Variants in CYTH1 observed in about 807,000 individuals in gnomAD.
CYTH1 encodes cytohesin-1.
CYTH1 carries 18 observed loss-of-function variants against 61.8 expected under a neutral mutation model. The observed-to-expected ratio is 0.29, with a 90% confidence interval of 0.20 to 0.43. The LOEUF (loss-of-function observed/expected upper bound fraction) is 0.43, where lower values mean the gene tolerates loss of function less well. CYTH1 is among the 20% of genes least tolerant of loss of function. The pLI is 1.00. For missense variants in CYTH1, 336 were observed against 510.5 expected (o/e 0.66, Z 3.29); for synonymous variants, 174 against 184.3 (o/e 0.94, Z 0.45).
chr17:78,733,571 C>A (rs748263569), intron 1 of CYTH1, among the ~76,000 whole-genome samples: 6 of 152,354 alleles, frequency 3.9e-5, no homozygotes, highest in Admixed American at 1.3e-4. Flanking sequence ...CAGTCCCTGG[C>A]CTGCACAGAA....
At chr17:78,747,339 T>TAAATCCTC (rs1468327582) in intron 1 of CYTH1, among the ~76,000 whole-genome samples, 4 of 152,042 alleles carry the variant, frequency 2.6e-5, no homozygotes, top group Non-Finnish European at 5.9e-5. Context: ...CAGCATTCTC[T>TAAATCCTC]GGTATTTAGG....
intron 1 of CYTH1, among the ~76,000 whole-genome samples, chr17:78,733,620 A>G (rs1252669562): frequency 6.6e-6 from 1 of 152,270 alleles, no homozygotes; most frequent in African/African-American, 2.4e-5. Flanking sequence ...AGCCCGTAGC[A>G]GCAGCACACC....
At chr17:78,704,356 C>A (rs574725553) in intron 3 of CYTH1, among the ~76,000 whole-genome samples, 10 of 152,278 alleles carry the variant, frequency 6.6e-5, no homozygotes, top group Non-Finnish European at 1.5e-4. Flanking sequence ...AATTTAAGAA[C>A]CACTGCCATC....
At chr17:78,678,127 A>G (rs1049124381) in intron 13 of CYTH1, 15 of 152,334 alleles carry the variant, frequency 9.8e-5, no homozygotes, top group African/African-American at 3.1e-4. Context: ...AGAGGAGTCC[A>G]GCAAGCCCAC....
chr17:78,752,331 A>G (rs2093383532), intron 1 of CYTH1, among the ~76,000 whole-genome samples: 1 of 152,202 alleles, frequency 6.6e-6, no homozygotes, highest in African/African-American at 2.4e-5. Context: ...TTTCATAGAA[A>G]TTACCTTTAA....
At chr17:78,757,991 A>G (rs2093408553) in intron 1 of CYTH1, among the ~76,000 whole-genome samples, 1 of 152,162 alleles carries the variant, frequency 6.6e-6, no homozygotes, top group African/African-American at 2.4e-5. Context: ...ATCATCATAT[A>G]CTGGTATGAG....
chr17:78,719,600 G>C (rs2093211066), intron 1 of CYTH1, among the ~76,000 whole-genome samples: 1 of 152,204 alleles, frequency 6.6e-6, no homozygotes, highest in Non-Finnish European at 1.5e-5. Context: ...CTTTAAGGCA[G>C]GGATAAGAAT....
intron 3 of CYTH1, among the ~76,000 whole-genome samples, chr17:78,704,426 T>C (rs1001870654): frequency 1.3e-5 from 2 of 152,170 alleles, no homozygotes; most frequent in Admixed American, 6.5e-5. Flanking sequence ...AATAAAATCA[T>C]AAAATGTTAT....
At chr17:78,747,009 T>A (rs1056379602) in intron 1 of CYTH1, among the ~76,000 whole-genome samples, 8 of 151,900 alleles carry the variant, frequency 5.3e-5, no homozygotes, top group African/African-American at 1.9e-4. Flanking sequence ...TACCATGTGT[T>A]CATTCTAAAT....
chr17:78,755,628 G>A (rs1313679959), intron 1 of CYTH1, among the ~76,000 whole-genome samples: 3 of 152,110 alleles, frequency 2.0e-5, no homozygotes, highest in African/African-American at 4.8e-5. Context: ...CTGGGGCCGG[G>A]GTAGAGGGAG....
chr17:78,709,675 T>G lies in CYTH1; in HGVS notation c.80A>C (p.Lys27Thr). Residue 27 changes from lysine to threonine, a missense_variant, in exon 2 of 14, where the codon AAA (lysine) becomes ACA (threonine). Around this residue, in one of 4 missense-constraint regions of CYTH1, gnomAD observed 112 missense variants for 127.1 expected, o/e 0.88. Transcript: ENST00000446868. ...CTGAATGTCAGCCAGCAGCTCCTGTTTTCTCCGTCGGATGTTCTCCAGTTC... is the reference window on the plus strand; with the variant it reads ...CTGAATGTCAGCCAGCAGCTCCTGTGTTCTCCGTCGGATGTTCTCCAGTTC... Reference protein sequence around the residue: ...RQELENIRRRKQELLADIQRL... With the variant: ...RQELENIRRRTQELLADIQRL... 6.2e-7 allele frequency: 1 copy of G among 1,614,224 alleles called. No homozygotes were observed. The highest frequency in any genetic ancestry group is 8.5e-7 in the Non-Finnish European group (1 of 1,180,036).
intron 1 of CYTH1, among the ~76,000 whole-genome samples, chr17:78,780,997 G>A (rs1277210989): frequency 6.6e-6 from 1 of 151,840 alleles, no homozygotes; most frequent in Admixed American, 6.6e-5. Flanking sequence ...GCGACAGAGT[G>A]AGACTCCGTT....
intron 1 of CYTH1, among the ~76,000 whole-genome samples, chr17:78,753,722 C>A (rs755583153): frequency 2.4e-4 from 36 of 152,048 alleles, no homozygotes; most frequent in Non-Finnish European, 4.3e-4. Context: ...ATTATGAAAA[C>A]ACCAACTTCT....
At chr17:78,765,284 G>C (rs372875704) in intron 1 of CYTH1, among the ~76,000 whole-genome samples, 1 of 151,988 alleles carries the variant, frequency 6.6e-6, no homozygotes, top group South Asian at 2.1e-4. Context: ...CCAGAAAACG[G>C]GGCTCCTTCT....
At chr17:78,698,211 A>ACACG in intron 9 of CYTH1, 58 bp downstream of exon 9, 1 of 1,420,618 alleles carries the variant, frequency 7.0e-7, no homozygotes, top group Non-Finnish European at 9.9e-7. Flanking sequence ...ACACGCACAC[A>ACACG]CACCGCCTTT....
At chr17:78,749,421 T>C (rs1434217985) in intron 1 of CYTH1, among the ~76,000 whole-genome samples, 3 of 152,182 alleles carry the variant, frequency 2.0e-5, no homozygotes, top group East Asian at 3.9e-4. Context: ...GATTGTGCCA[T>C]TGCACCCCAG....
At position 78,701,748 on chromosome 17, in the gene CYTH1, A is replaced by G; in HGVS notation, c.360T>C (p.Asp120=). 3 of 1,614,190 alleles carry G rather than the reference A, an allele frequency of 1.9e-6. No homozygotes were observed. The highest frequency in any genetic ancestry group is 2.5e-6 in the Non-Finnish European group (3 of 1,180,010). ...TAIGDYLGER[D]EFNIQVLHAF... ...CATGAAGAACCTGGATATTAAACTCATCTCTATCGAGAAAAGACAAAAAAT... is the reference window on the plus strand; with the variant it reads ...CATGAAGAACCTGGATATTAAACTCGTCTCTATCGAGAAAAGACAAAAAAT... The change falls in exon 6 of 14, where the codon GAT becomes GAC. Residue 120 remains aspartate (D), a synonymous_variant. Coordinates refer to ENST00000446868, the MANE Select transcript of CYTH1 (RefSeq NM_004762.6).
At chr17:78,714,647 CCTA>C (rs1305571157) in intron 1 of CYTH1, among the ~76,000 whole-genome samples, 1 of 152,100 alleles carries the variant, frequency 6.6e-6, no homozygotes, top group African/African-American at 2.4e-5. Flanking sequence ...ACAGCGGACA[CCTA>C]AGAGAACCCT....
intron 8 of CYTH1, 66 bp downstream of exon 8, chr17:78,698,754 A>T: frequency 1.3e-6 from 2 of 1,488,580 alleles, no homozygotes; most frequent in Non-Finnish European, 1.8e-6. Context: ...TCCTTCCTAC[A>T]AAAGACGATC....
Sources: allele counts gnomAD v4.1 joint callset (sites outside exome capture counted in the v4.1 genomes callset), GRCh38; gene constraint gnomAD v4.1.1; regional missense constraint gnomAD v4.1.1; transcripts MANE v1.5; gene names NCBI Gene and HGNC (gene_info 2026-07-23, HGNC 2026-07-21).